The following GPC3 variants were observed in gnomAD, a reference collection of about 807,000 sequenced individuals.
The protein encoded by GPC3 is glypican 3.
Under a neutral mutation model 34.4 loss-of-function variants are expected in GPC3, and 3 were observed. The ratio of observed to expected loss-of-function variants is 0.09; its 90% CI spans 0.04 to 0.23. The LOEUF (loss-of-function observed/expected upper bound fraction) is 0.23, where lower values mean the gene tolerates loss of function less well. Ranked by LOEUF, GPC3 falls within the 10% of genes least tolerant of loss-of-function variation. GPC3 has a pLI of 1.00. For missense variants in GPC3, 351 were observed against 445.6 expected (o/e 0.79, Z 1.91); for synonymous variants, 177 against 174.0 (o/e 1.02, Z -0.13).
chrX:133,839,336 T>C (rs1395542929), intron 2 of GPC3, among the ~76,000 whole-genome samples: 2 of 110,887 alleles, frequency 1.8e-5, no homozygotes, highest in Non-Finnish European at 3.8e-5. Flanking sequence ...ATCAGGGGGG[T>C]CTGGGAATCC....
chrX:133,792,582 G>C (rs2072176849), intron 2 of GPC3, among the ~76,000 whole-genome samples: 1 of 110,919 alleles, frequency 9.0e-6, no homozygotes, highest in Non-Finnish European at 1.9e-5. Context: ...CTGGAGTTCA[G>C]AACTCCAGCT....
Position 133,698,325 on chromosome X carries a change from CA to C in GPC3, c.1166+1569del, listed in dbSNP as rs1346614105. On this transcript the variant is annotated intron_variant, in intron 4 of 7. Transcript: ENST00000370818. Reference sequence around the variant, plus strand: ...TCCACTCACTGTTTTAAATCTATGACAGATATTTTCAATACTTATCCCTTAA... The same window carrying C: ...TCCACTCACTGTTTTAAATCTATGACGATATTTTCAATACTTATCCCTTAA... 2.7e-5 allele frequency among the ~76,000 whole-genome samples: 3 copies of C among 111,993 alleles called. No individual in the cohort carries two copies. In the East Asian group the frequency reaches 8.4e-4, roughly 31 times the overall value.
chrX:133,771,239 G>A (rs778237406), intron 2 of GPC3, among the ~76,000 whole-genome samples: 1 of 112,755 alleles, frequency 8.9e-6, no homozygotes, highest in South Asian at 3.7e-4. Context: ...ATTCAAGACC[G>A]CTTATTTTAA....
intron 7 of GPC3, among the ~76,000 whole-genome samples, chrX:133,593,353 G>GAAAAAAAAAAAAAAAA (rs1569391707): frequency 3.4e-5 from 2 of 58,154 alleles, no homozygotes; most frequent in African/African-American, 6.6e-5. Context: ...AAAAAAAAAA[G>GAAAAAAAAAAAAAAAA]TAAAAAAAAA....
chrX:133,536,316 T>A, intron 7 of GPC3, 23 bp from the exon 8 acceptor site: 2 of 1,143,843 alleles, frequency 1.7e-6, no homozygotes, highest in Non-Finnish European at 2.4e-6. Flanking sequence ...AGAGAAGGAT[T>A]TGAAATGCAA....
chrX:133,596,062 TG>T (rs1307359107), intron 7 of GPC3, among the ~76,000 whole-genome samples: 1 of 111,807 alleles, frequency 8.9e-6, no homozygotes, highest in African/African-American at 3.3e-5. Context: ...TAGGTAAACT[TG>T]TGTCATGGGG....
At chrX:133,771,945 T>TTAAGCTCTTC (rs2071925407) in intron 2 of GPC3, among the ~76,000 whole-genome samples, 1 of 111,387 alleles carries the variant, frequency 9.0e-6, no homozygotes, top group African/African-American at 3.3e-5. Flanking sequence ...TATGCTGTGT[T>TTAAGCTCTTC]TAAGCTCTTC....
In GPC3 at chrX:133,825,958, G is replaced by A. The variant is rs370053799; in HGVS notation, c.338-71782C>T. On this transcript the variant is annotated intron_variant, in intron 2 of 7. Coordinates refer to ENST00000370818, the MANE Select transcript of GPC3 (RefSeq NM_004484.4). ...CCACTAAGCTAACCAGACTTCAGTG[G>A]CCACACACAGACATTACAGAGTTCA... is the stretch of plus-strand genomic sequence containing the variant. Among the ~76,000 whole-genome samples, 52 of 111,912 alleles carry A rather than the reference G, an allele frequency of 4.6e-4. No homozygotes were observed. In the South Asian group the frequency reaches 0.012, roughly 25 times the overall value.
chrX:133,661,877 T>A lies in GPC3; in HGVS notation c.1293-27A>T, dbSNP rs888792715. On this transcript the variant is annotated intron_variant, in intron 5 of 7. Transcript: ENST00000370818. ...TGTAAAGGTGAAGGTAAAGAAAAGG[T>A]TTGTCAAAGAAAGTCCCAAACAAAG... The A allele has an allele frequency of 3.3e-6, 4 of 1,195,364 alleles. No individual in the cohort carries two copies. The African/African-American group carries it at 7.2e-5, about 22-fold the overall frequency.
intron 3 of GPC3, among the ~76,000 whole-genome samples, chrX:133,725,702 C>G (rs779914962): frequency 8.9e-6 from 1 of 112,128 alleles, no homozygotes; most frequent in East Asian, 2.8e-4. Context: ...CTACACATAA[C>G]TTGTGTTAAT....
chrX:133,766,339 G>A (rs12558298), intron 2 of GPC3, among the ~76,000 whole-genome samples: 1,985 of 111,781 alleles, frequency 0.018, 15 homozygotes, highest in Non-Finnish European at 0.025. Flanking sequence ...AATAAAATAT[G>A]CAAACAACTT....
chrX:133,598,730 T>C lies in GPC3; in HGVS notation c.1414-2131A>G, dbSNP rs189050659. Among the ~76,000 whole-genome samples, 6 of 112,139 alleles carry C rather than the reference T, an allele frequency of 5.4e-5. No individual in the cohort carries two copies. The East Asian group carries it at 1.7e-3, about 31-fold the overall frequency. On this transcript the variant is annotated intron_variant, in intron 6 of 7. Transcript: ENST00000370818. The stretch of plus-strand genomic sequence containing the variant: ...TATAAATAAATATATCATATCCTGT[T>C]ACATTTACATCCATTGGTATGTTTT...
At chrX:133,913,079 C>A in intron 2 of GPC3, among the ~76,000 whole-genome samples, 1 of 107,933 alleles carries the variant, frequency 9.3e-6, no homozygotes, top group Middle Eastern at 4.9e-3. Flanking sequence ...AAAAATAGGA[C>A]TAGGCATGGG....
At chrX:133,910,631 G>A (rs2076193873) in intron 2 of GPC3, among the ~76,000 whole-genome samples, 1 of 111,753 alleles carries the variant, frequency 8.9e-6, no homozygotes, top group African/African-American at 3.3e-5. Flanking sequence ...AAGCATCTCT[G>A]CGACAAGGAC....
At chrX:133,984,793 G>A (rs930276484) in intron 1 of GPC3, among the ~76,000 whole-genome samples, 2 of 107,211 alleles carry the variant, frequency 1.9e-5, no homozygotes, top group African/African-American at 6.8e-5. Flanking sequence ...GGGCCCGTGA[G>A]CTTAGGAAAC....
chrX:133,773,890 C>T (rs114337266), intron 2 of GPC3, among the ~76,000 whole-genome samples: 1 of 111,616 alleles, frequency 9.0e-6, no homozygotes, highest in African/African-American at 3.3e-5. Flanking sequence ...GACAGGACTA[C>T]CTGAGTGTTA....
intron 6 of GPC3, among the ~76,000 whole-genome samples, chrX:133,627,300 A>T (rs1395925111): frequency 9.0e-6 from 1 of 110,571 alleles, no homozygotes; most frequent in Non-Finnish European, 1.9e-5. Flanking sequence ...GTACCCTAAA[A>T]CTTAAAAGTA....
intron 2 of GPC3, among the ~76,000 whole-genome samples, chrX:133,819,269 T>G (rs2075707816): frequency 9.6e-6 from 1 of 104,245 alleles, no homozygotes; most frequent in African/African-American, 3.5e-5. Context: ...TACCAACACT[T>G]ACGGCGTCAG....
chrX:133,773,130 C>T (rs1197122734), intron 2 of GPC3, among the ~76,000 whole-genome samples: 1 of 111,395 alleles, frequency 9.0e-6, no homozygotes, highest in Non-Finnish European at 1.9e-5. Context: ...GCAATCTCGG[C>T]TCACTGCAAC....
Sources: allele counts gnomAD v4.1 joint callset (sites outside exome capture counted in the v4.1 genomes callset), GRCh38; gene constraint gnomAD v4.1.1; transcripts MANE v1.5; gene names NCBI Gene and HGNC (gene_info 2026-07-23, HGNC 2026-07-21).